MYLK4: variants seen among roughly 807,000 people sequenced by gnomAD.
The protein encoded by MYLK4 is caMLCK like.
MYLK4 carries 46 observed loss-of-function variants against 48.1 expected under a neutral mutation model. The ratio of observed to expected loss-of-function variants is 0.96; its 90% CI spans 0.75 to 1.22. The LOEUF (loss-of-function observed/expected upper bound fraction) is 1.22, where lower values mean the gene tolerates loss of function less well. Ranked by LOEUF, MYLK4 falls within the 50% of genes most tolerant of loss-of-function variation. The pLI is 0.00. For synonymous variants in MYLK4, 170 were observed against 180.8 expected, an observed-to-expected ratio of 0.94 and a Z score of 0.48; for missense variants, 451 against 486.1, an observed-to-expected ratio of 0.93 and a Z score of 0.68.
chr6:2,751,300 T>C (rs1348197169), upstream of MYLK4, among the ~76,000 whole-genome samples: 1 of 152,228 alleles, frequency 6.6e-6, no homozygotes, highest in East Asian at 1.9e-4. Context: ...ATCTTACGCT[T>C]TGAGCATATC....
In MYLK4 at chr6:2,668,768, T is replaced by A. The variant is rs567968370; in HGVS notation, c.*26-869A>T. On this transcript the variant is annotated intron_variant, in intron 12 of 12. Transcript: ENST00000274643. The stretch of plus-strand genomic sequence containing the variant: ...ATGTTAAGTTTTATTTATTTATTTA[T>A]TTTTTTAAGTAAGAAGGTAGGCAGG... Among the ~76,000 whole-genome samples, 187 of 152,260 alleles carry A rather than the reference T, an allele frequency of 1.2e-3. 1 individual carries two copies. The highest frequency in any genetic ancestry group is 3.7e-3 in the Admixed American group (57 of 15,274).
chr6:2,693,306 T>C (rs779014907), intron 2 of MYLK4, among the ~76,000 whole-genome samples: 1 of 152,210 alleles, frequency 6.6e-6, no homozygotes, highest in Non-Finnish European at 1.5e-5. Context: ...ATGTTAATAA[T>C]GTGTGCATCA....
the MYLK4 span, among the ~76,000 whole-genome samples, chr6:2,769,419 T>G: frequency 3.3e-5 from 5 of 151,960 alleles, no homozygotes; most frequent in African/African-American, 9.7e-5. Flanking sequence ...TAAAAAAAAA[T>G]AAACATTAAA....
chr6:2,732,731 G>A (rs1366454554), intron 2 of MYLK4, among the ~76,000 whole-genome samples: 1 of 151,830 alleles, frequency 6.6e-6, no homozygotes, highest in African/African-American at 2.4e-5. Flanking sequence ...AGTTTCCTCT[G>A]ATGCCTTAAA....
At chr6:2,683,387 C>CTTTTTTTTTTT (rs138132269) in intron 6 of MYLK4, among the ~76,000 whole-genome samples, 7 of 86,292 alleles carry the variant, frequency 8.1e-5, no homozygotes, top group Admixed American at 1.5e-4. Context: ...AACTCCCCAC[C>CTTTTTTTTTTT]TTTTTGTGTG....
chr6:2,694,515 G>GCGA (rs1561845911), intron 2 of MYLK4, among the ~76,000 whole-genome samples: 3 of 31,476 alleles, frequency 9.5e-5, no homozygotes, highest in East Asian at 8.8e-4. Flanking sequence ...GGTGGTGGCG[G>GCGA]TGGTGGTGGT....
chr6:2,713,921 G>A (rs1762771715), intron 2 of MYLK4, among the ~76,000 whole-genome samples: 1 of 152,122 alleles, frequency 6.6e-6, no homozygotes, highest in South Asian at 2.1e-4. Flanking sequence ...TTTCTTGGGT[G>A]AAAAATAATA....
At chr6:2,745,622 A>G (rs1168565668) in intron 2 of MYLK4, among the ~76,000 whole-genome samples, 1 of 152,196 alleles carries the variant, frequency 6.6e-6, no homozygotes, top group Non-Finnish European at 1.5e-5. Context: ...AAACAGAATA[A>G]AAAGGAAAGT....
intron 2 of MYLK4, among the ~76,000 whole-genome samples, chr6:2,746,993 T>G (rs1324442441): frequency 2.0e-5 from 3 of 152,192 alleles, no homozygotes; most frequent in African/African-American, 7.2e-5. Context: ...CTATCCATTC[T>G]CCACGTGGAC....
the MYLK4 span, chr6:2,768,908 G>A: frequency 1.0e-5 from 16 of 1,584,958 alleles, no homozygotes; most frequent in Admixed American, 1.8e-5. Context: ...TCTACCTTTT[G>A]GTCGTTGTGA....
At chr6:2,770,351 A>T in the MYLK4 span, 1 of 1,614,180 alleles carries the variant, frequency 6.2e-7, no homozygotes, top group Non-Finnish European at 8.5e-7. Context: ...CAGCAGCAAC[A>T]GCAGCTCAGA....
the MYLK4 span, among the ~76,000 whole-genome samples, chr6:2,769,701 T>A: frequency 6.6e-6 from 1 of 152,240 alleles, no homozygotes; most frequent in African/African-American, 2.4e-5. Flanking sequence ...AATAATATGA[T>A]TGAGTGCTTG....
At chr6:2,736,843 A>G (rs4959718) in intron 2 of MYLK4, among the ~76,000 whole-genome samples, 105,906 of 152,172 alleles carry the variant, frequency 0.7, 36,878 homozygotes, top group Middle Eastern at 0.73. Context: ...CAAGACACCA[A>G]AGGAATCTCT....
the MYLK4 span, among the ~76,000 whole-genome samples, chr6:2,767,156 G>C: frequency 1.3e-5 from 2 of 152,198 alleles, no homozygotes; most frequent in Non-Finnish European, 2.9e-5. Flanking sequence ...TTCGTGAGGC[G>C]TTAGCGTTCC....
At chr6:2,766,541 G>A in the MYLK4 span, 2 of 1,412,836 alleles carry the variant, frequency 1.4e-6, no homozygotes, top group Non-Finnish European at 1.9e-6. Flanking sequence ...GAAAGAAGCC[G>A]CCTGCCTCTC....
the MYLK4 span, chr6:2,768,989 A>T: frequency 8.6e-7 from 1 of 1,167,424 alleles, no homozygotes; most frequent in African/African-American, 1.6e-5. Context: ...GTTTACAAAG[A>T]AGCGTAGGCT....
chr6:2,730,801 G>A (rs969886931), intron 2 of MYLK4, among the ~76,000 whole-genome samples: 10 of 152,200 alleles, frequency 6.6e-5, no homozygotes, highest in Admixed American at 6.5e-4. Flanking sequence ...CAGGAAACGA[G>A]TTTTAAAAAG....
At position 2,685,691 on chromosome 6, in the gene MYLK4, A is replaced by G; in HGVS notation, c.342-115T>C. 1 of 804,670 alleles carries G rather than the reference A, an allele frequency of 1.2e-6. No homozygotes were observed. Among genetic ancestry groups the G allele is most frequent in the Non-Finnish European group, 2.0e-6 (1 of 494,916 alleles). The allele number at this position is 804,670 out of a possible 1,614,324, so 49.8% of individuals were successfully genotyped here. Reference sequence around the variant, plus strand: ...AGTCTGGATGAGCAGCCCTCTGAGGAGTTCTTTCAGTAAACTTCTAGAGCA... The same window carrying G: ...AGTCTGGATGAGCAGCCCTCTGAGGGGTTCTTTCAGTAAACTTCTAGAGCA... On this transcript the variant is annotated intron_variant, in intron 4 of 12. Transcript: ENST00000274643. The surrounding 1 kb of genome is among the most constrained non-coding windows in gnomAD (Gnocchi z 4.5).
chr6:2,685,275 G>C lies in MYLK4; in HGVS notation c.545+21C>G, dbSNP rs1053801826. 10 of 1,571,686 alleles carry C rather than the reference G, an allele frequency of 6.4e-6. No individual in the cohort carries two copies. The highest frequency in any genetic ancestry group is 4.3e-4 in the Middle Eastern group (2 of 4,686). Reference sequence around the variant, plus strand: ...TGAGTGCCCTTGGGGAGGTCAGGGAGGGGGCGGAGGGGATACGTACTACTC... The same window carrying C: ...TGAGTGCCCTTGGGGAGGTCAGGGACGGGGCGGAGGGGATACGTACTACTC... On this transcript the variant is annotated intron_variant, in intron 6 of 12. Transcript: ENST00000274643. The surrounding 1 kb of genome is among the most constrained non-coding windows in gnomAD (Gnocchi z 4.5).
Sources: allele counts gnomAD v4.1 joint callset (sites outside exome capture counted in the v4.1 genomes callset), GRCh38; gene constraint gnomAD v4.1.1; non-coding constraint Gnocchi (gnomAD v3.1); transcripts MANE v1.5; gene names NCBI Gene and HGNC (gene_info 2026-07-23, HGNC 2026-07-21).